The following NPAS3 variants were observed in gnomAD, a reference collection of about 807,000 sequenced individuals.
The protein encoded by NPAS3 is neuronal PAS domain protein 3, also known as neuronal PAS domain-containing protein 3.
In NPAS3, 14 loss-of-function variants were observed where a neutral mutation model predicts 73.1. That is an observed-to-expected ratio of 0.19 (90% CI 0.13 to 0.30). The LOEUF is 0.30. NPAS3 is among the 10% of genes least tolerant of loss of function. The pLI, the probability that NPAS3 is intolerant of heterozygous loss-of-function variation, is 1.00. For missense variants in NPAS3, 1,096 were observed against 1,250.0 expected (o/e 0.88, Z 1.86); for synonymous variants, 620 against 541.5 (o/e 1.14, Z -2.01).
At chr14:33,486,597 C>T (rs1195506926) in intron 4 of NPAS3, among the ~76,000 whole-genome samples, 1 of 152,128 alleles carries the variant, frequency 6.6e-6, no homozygotes, top group Non-Finnish European at 1.5e-5. Flanking sequence ...CCCAAGTTTT[C>T]AGTTGAGAAG....
intron 2 of NPAS3, among the ~76,000 whole-genome samples, chr14:33,208,845 T>C (rs2046925694): frequency 6.6e-6 from 1 of 152,228 alleles, no homozygotes; most frequent in African/African-American, 2.4e-5. Context: ...ATATATTGTG[T>C]GAGCATCAGA....
At chr14:33,289,230 C>A (rs769017882) in intron 3 of NPAS3, among the ~76,000 whole-genome samples, 10 of 152,058 alleles carry the variant, frequency 6.6e-5, no homozygotes, top group Non-Finnish European at 1.5e-4. Context: ...AAAACATGTG[C>A]CTCGTAAGTT....
At chr14:33,102,770 C>T (rs2042614053) in intron 2 of NPAS3, among the ~76,000 whole-genome samples, 1 of 152,160 alleles carries the variant, frequency 6.6e-6, no homozygotes, top group Non-Finnish European at 1.5e-5. Context: ...CAGCAGTTGT[C>T]ATGCACTTAC....
intron 2 of NPAS3, among the ~76,000 whole-genome samples, chr14:33,170,243 A>G (rs1005594428): frequency 2.6e-5 from 4 of 152,230 alleles, no homozygotes; most frequent in African/African-American, 7.2e-5. Flanking sequence ...TTATATTAAC[A>G]TTATGCTGTA....
chr14:33,448,447 C>A (rs773199675), intron 4 of NPAS3, among the ~76,000 whole-genome samples: 3 of 152,152 alleles, frequency 2.0e-5, no homozygotes, highest in Non-Finnish European at 4.4e-5. Flanking sequence ...GAGCTCCATG[C>A]GGAAGGGTCG....
At chr14:33,020,394 T>A (rs1314698863) in intron 1 of NPAS3, among the ~76,000 whole-genome samples, 1 of 152,202 alleles carries the variant, frequency 6.6e-6, no homozygotes, top group Admixed American at 6.5e-5. Context: ...TTAGCCCCAG[T>A]TTACTCATCT....
At chr14:33,183,921 T>C (rs999425436) in intron 2 of NPAS3, among the ~76,000 whole-genome samples, 6 of 152,308 alleles carry the variant, frequency 3.9e-5, no homozygotes, top group Admixed American at 1.3e-4. Flanking sequence ...ATGCCCCTTT[T>C]GTTCCAAGAC....
At chr14:33,162,591 G>A (rs772534572) in intron 2 of NPAS3, among the ~76,000 whole-genome samples, 1 of 152,040 alleles carries the variant, frequency 6.6e-6, no homozygotes, top group Non-Finnish European at 1.5e-5. Context: ...TCATGTTTGT[G>A]ACTTGACTGT....
In NPAS3 at chr14:33,265,971, C is replaced by T. The variant is rs570953807; in HGVS notation, c.385+50545C>T. On this transcript the variant is annotated intron_variant, in intron 3 of 11. Coordinates refer to ENST00000356141, the Ensembl canonical transcript of NPAS3. ...TATTGTATACTTACATATGTATATG[C>T]ACTTATTTATATACTTAAATATGTA... Among the ~76,000 whole-genome samples the T allele has an allele frequency of 2.7e-5, 4 of 150,846 alleles. No homozygotes were observed. In the South Asian group the frequency reaches 8.4e-4, roughly 32 times the overall value.
intron 4 of NPAS3, among the ~76,000 whole-genome samples, chr14:33,494,587 C>T (rs937804660): frequency 3.6e-4 from 55 of 152,078 alleles, no homozygotes; most frequent in African/African-American, 1.2e-3. Flanking sequence ...CTACAGGGAC[C>T]CAGACTCTGA....
At chr14:33,797,710 C>A in intron 11 of NPAS3, 129 bp downstream of exon 11, 1 of 864,634 alleles carries the variant, frequency 1.2e-6, no homozygotes, top group Non-Finnish European at 1.8e-6. Flanking sequence ...TATGTCACAT[C>A]AAGTTATTAC....
chr14:33,725,785 C>T (rs561272979), intron 6 of NPAS3, among the ~76,000 whole-genome samples: 1 of 152,192 alleles, frequency 6.6e-6, no homozygotes, highest in Admixed American at 6.5e-5. Context: ...AATCTTAGTG[C>T]TTATTTTCTA....
At chr14:33,147,730 A>AAAATATATATAT (rs372663411) in intron 2 of NPAS3, among the ~76,000 whole-genome samples, 10 of 130,362 alleles carry the variant, frequency 7.7e-5, no homozygotes, top group African/African-American at 2.6e-4. Flanking sequence ...TAGAATAAAA[A>AAAATATATATAT]ATATATATAT....
At chr14:33,581,887 A>G (rs2056678541) in intron 5 of NPAS3, among the ~76,000 whole-genome samples, 1 of 152,168 alleles carries the variant, frequency 6.6e-6, no homozygotes, top group South Asian at 2.1e-4. Context: ...TTTTTTCAGT[A>G]TTAATACATA....
intron 3 of NPAS3, among the ~76,000 whole-genome samples, chr14:33,259,855 ATC>A (rs1397270760): frequency 1.4e-3 from 65 of 46,370 alleles, no homozygotes; most frequent in African/African-American, 3.4e-3. Context: ...CAGCAGCAGC[ATC>A]TTTTTTTTTT....
At chr14:33,484,613 G>C (rs2051492128) in intron 4 of NPAS3, among the ~76,000 whole-genome samples, 1 of 152,184 alleles carries the variant, frequency 6.6e-6, no homozygotes, top group Non-Finnish European at 1.5e-5. Context: ...TACATGCTTA[G>C]AGAGATGTGG....
At chr14:33,323,121 T>C (rs113674271) in intron 3 of NPAS3, among the ~76,000 whole-genome samples, 1 of 144,712 alleles carries the variant, frequency 6.9e-6, no homozygotes, top group African/African-American at 2.9e-5. Context: ...TACTCAATAA[T>C]TATTTGTTGA....
chr14:33,293,411 G>T (rs554132079), intron 3 of NPAS3, among the ~76,000 whole-genome samples: 1 of 152,298 alleles, frequency 6.6e-6, no homozygotes, highest in Non-Finnish European at 1.5e-5. Context: ...GATAAAAAGT[G>T]TTGATAGACA....
intron 5 of NPAS3, among the ~76,000 whole-genome samples, chr14:33,599,487 C>T (rs2057339442): frequency 6.6e-6 from 1 of 152,094 alleles, no homozygotes; most frequent in South Asian, 2.1e-4. Flanking sequence ...CCCCTGTGCA[C>T]CATAATAAAT....
Sources: gnomAD v4.1 joint callset for allele counts (sites outside exome capture counted in the v4.1 genomes callset) on GRCh38, gnomAD v4.1.1 for gene constraint, MANE v1.5 for transcripts, NCBI Gene and HGNC (gene_info 2026-07-23, HGNC 2026-07-21) for gene names.